HTR2B: variants seen among roughly 807,000 people sequenced by gnomAD.
The protein encoded by HTR2B is 5-HT 2B receptor.
HTR2B carries 31 observed loss-of-function variants against 39.8 expected under a neutral mutation model. The observed-to-expected ratio is 0.78, with a 90% CI of 0.58 to 1.05. The LOEUF is 1.05. Ranked by LOEUF, HTR2B falls within the 50% of genes least tolerant of loss-of-function variation. HTR2B has a pLI of 0.00. For synonymous variants in HTR2B, 210 were observed against 207.1 expected (o/e 1.01, Z -0.12); for missense variants, 562 against 578.0 (o/e 0.97, Z 0.28).
Position 231,124,122 on chromosome 2 carries a change from G to A in HTR2B, c.-358C>T. The A allele has an allele frequency of 3.9e-6, 1 of 256,588 alleles. No homozygotes were observed. The highest frequency in any genetic ancestry group is 4.9e-5 in the South Asian group (1 of 20,560). 15.9% of individuals were successfully genotyped at this position (256,588 alleles called of 1,614,324 possible). A position where few individuals can be genotyped will look rare whatever the true frequency, so the allele number is the denominator to read the frequency against. On this transcript the variant is annotated 5_prime_UTR_variant, in exon 2 of 4. Coordinates refer to ENST00000258400, the MANE Select transcript of HTR2B (RefSeq NM_000867.5). ...GTCGTGTTTGAACTTGCATGCCAGA[G>A]AGTTCCCCCTAGATACAAAATACAT...
At chr2:231,110,669 G>T (rs746109456) in intron 3 of HTR2B, among the ~76,000 whole-genome samples, 7 of 152,134 alleles carry the variant, frequency 4.6e-5, no homozygotes, top group Non-Finnish European at 8.8e-5. Context: ...TTTTCCTCAT[G>T]TACACCACCA....
At chr2:231,112,975 G>A (rs910815865) in intron 3 of HTR2B, among the ~76,000 whole-genome samples, 6 of 152,088 alleles carry the variant, frequency 3.9e-5, no homozygotes, top group Admixed American at 3.3e-4. Flanking sequence ...GACCAGCCTG[G>A]GCAACATGAC....
Position 231,109,056 on chromosome 2 carries a change from G to C in HTR2B, c.907C>G (p.Arg303Gly), listed in dbSNP as rs200112720. 6.2e-7 allele frequency: 1 copy of C among 1,614,058 alleles called. No individual in the cohort carries two copies. The highest frequency in any genetic ancestry group is 1.3e-5 in the African/African-American group (1 of 74,940). ...LPNSGDETLM[R>G]RTSTIGKKSV... The stretch of plus-strand genomic sequence containing the variant: ...TTTTTCCCAATTGTGGATGTTCTTC[G>C]CATAAGTGTTTCATCACCTGAGTTG... Residue 303 changes from arginine (R) to glycine (G), a missense_variant, in exon 4 of 4, where the codon CGA becomes GGA. Physicochemically the swap from Arg to Gly is moderately radical, Grantham distance 125. Transcript: ENST00000258400.
intron 2 of HTR2B, among the ~76,000 whole-genome samples, chr2:231,116,689 C>G (rs1574744675): frequency 6.6e-6 from 1 of 151,968 alleles, no homozygotes; most frequent in Non-Finnish European, 1.5e-5. Flanking sequence ...CCCTGTTAGC[C>G]TCACTTTAAA....
Position 231,115,586 on chromosome 2 carries a change from G to A in HTR2B, c.353-1657C>T, listed in dbSNP as rs1574743371. Reference sequence around the variant, plus strand: ...TACTGTAAATAAACTTTGCCTGCTTGTTGAATTGGGGGTAGGAAGGGATAG... The same window carrying A: ...TACTGTAAATAAACTTTGCCTGCTTATTGAATTGGGGGTAGGAAGGGATAG... On this transcript the variant is annotated intron_variant, in intron 2 of 3. Coordinates refer to ENST00000258400, the MANE Select transcript of HTR2B (RefSeq NM_000867.5). 3.3e-5 allele frequency among the ~76,000 whole-genome samples: 5 copies of A among 152,080 alleles called. No homozygotes were observed. In the East Asian group the frequency reaches 9.6e-4, roughly 29 times the overall value.
intron 2 of HTR2B, among the ~76,000 whole-genome samples, chr2:231,118,794 AG>A (rs1357193829): frequency 2.6e-5 from 4 of 152,206 alleles, no homozygotes; most frequent in African/African-American, 4.8e-5. Context: ...TTCCCTTTGG[AG>A]GATGTAAAAG....
In HTR2B at chr2:231,109,141, A is replaced by G; in HGVS notation, c.822T>C (p.Pro274=). Residue 274 remains proline (P), a synonymous_variant, in exon 4 of 4, where the codon CCT becomes CCC. Coordinates refer to ENST00000258400, the MANE Select transcript of HTR2B (RefSeq NM_000867.5). ...VSTVFQRDET[P]CSSPEKVAML... The stretch of plus-strand genomic sequence containing the variant: ...TTGCCACCTTTTCCGGTGACGAGCA[A>G]GGTGTTTCATCCCTTTGGAAAACTG... 6.2e-7 allele frequency: 1 copy of G among 1,614,110 alleles called. No homozygotes were observed. Among genetic ancestry groups the G allele is most frequent in the South Asian group, 1.1e-5 (1 of 91,090 alleles).
At chr2:231,121,330 C>T (rs1293433649) in intron 2 of HTR2B, among the ~76,000 whole-genome samples, 1 of 151,820 alleles carries the variant, frequency 6.6e-6, no homozygotes, top group Admixed American at 6.6e-5. Context: ...GAGTTTGAGG[C>T]CAGCCCAGGC....
chr2:231,110,672 C>T (rs1426207798), intron 3 of HTR2B, among the ~76,000 whole-genome samples: 1 of 152,222 alleles, frequency 6.6e-6, no homozygotes, highest in African/African-American at 2.4e-5. Context: ...TCCTCATGTA[C>T]ACCACCAGAA....
In HTR2B at chr2:231,113,799, G is replaced by A; in HGVS notation, c.483C>T (p.Ile161=). Residue 161 remains isoleucine, a synonymous_variant, in exon 3 of 4, where the codon ATC becomes ATT. Transcript: ENST00000258400. The part of the protein sequence containing the change: ...VDRYIAIKKP[I]QANQYNSRAT... ...CCCGTGAGTTATATTGATTGGCCTG[G>A]ATTGGCTTTTTGATGGCTATGTAAC... 2 of 1,614,120 alleles carry A rather than the reference G, an allele frequency of 1.2e-6. No homozygotes were observed. Among genetic ancestry groups the A allele is most frequent in the Non-Finnish European group, 8.5e-7 (1 of 1,180,004 alleles).
intron 2 of HTR2B, among the ~76,000 whole-genome samples, chr2:231,115,252 A>C (rs1695289831): frequency 2.0e-5 from 3 of 152,244 alleles, no homozygotes; most frequent in Admixed American, 2.0e-4. Flanking sequence ...GTTATTTTCA[A>C]GCATCAAGTA....
At position 231,115,667 on chromosome 2, in the gene HTR2B, T is replaced by C. The variant is rs191093409; in HGVS notation, c.353-1738A>G. 2.4e-3 allele frequency among the ~76,000 whole-genome samples: 358 copies of C among 152,286 alleles called. 2 individuals carry two copies. Among genetic ancestry groups the C allele is most frequent in the African/African-American group, 8.3e-3 (345 of 41,566 alleles). On this transcript the variant is annotated intron_variant, in intron 2 of 3. Coordinates refer to ENST00000258400, the MANE Select transcript of HTR2B (RefSeq NM_000867.5). ...AAGGAACCTTAGAGATTACCATTGA[T>C]CTTGCAGATGAGTAAATTCAGGTAT...
At position 231,120,143 on chromosome 2, in the gene HTR2B, G is replaced by T. The variant is rs758526265; in HGVS notation, c.352+3270C>A. On this transcript the variant is annotated intron_variant, in intron 2 of 3. Coordinates refer to ENST00000258400, the MANE Select transcript of HTR2B (RefSeq NM_000867.5). ...ATTTTTGTATTTTTAGTAGGGACAGGGTTTCGCCATCTTGGCCAGGCTGGT... is the reference window on the plus strand; with the variant it reads ...ATTTTTGTATTTTTAGTAGGGACAGTGTTTCGCCATCTTGGCCAGGCTGGT... 3.9e-5 allele frequency among the ~76,000 whole-genome samples: 6 copies of T among 152,026 alleles called. No individual in the cohort carries two copies. The South Asian group carries it at 8.3e-4, about 21-fold the overall frequency.
At chr2:231,122,696 A>G (rs1164644659) in intron 2 of HTR2B, among the ~76,000 whole-genome samples, 2 of 152,148 alleles carry the variant, frequency 1.3e-5, no homozygotes, top group Non-Finnish European at 2.9e-5. Context: ...CTAAGATTTC[A>G]GTGTCAAACT....
intron 2 of HTR2B, 44 bp from the exon 3 acceptor site, chr2:231,113,973 GGCAAC>G: frequency 2.0e-6 from 3 of 1,533,688 alleles, no homozygotes; most frequent in Non-Finnish European, 2.7e-6. Context: ...TCTATAAAAT[GGCAAC>G]TTTCAGTCTA....
intron 2 of HTR2B, among the ~76,000 whole-genome samples, chr2:231,114,947 G>A (rs1003975852): frequency 3.3e-5 from 5 of 152,128 alleles, no homozygotes; most frequent in Non-Finnish European, 7.4e-5. Context: ...CAGATGTCAT[G>A]CATGTGAGAT....
chr2:231,108,868 A>G lies in HTR2B; in HGVS notation c.1095T>C (p.Phe365=). ...CTGAGGAAACATAGCCTATCCACACAAATATCTCCAGGAGCATTTGGAGAG... is the reference window on the plus strand; with the variant it reads ...CTGAGGAAACATAGCCTATCCACACGAATATCTCCAGGAGCATTTGGAGAG... ...QTTLQMLLEI[F]VWIGYVSSGV... is the part of the protein sequence containing the mutation. The change falls in exon 4 of 4, where the codon TTT becomes TTC. Residue 365 remains phenylalanine (F), a synonymous_variant. Coordinates refer to ENST00000258400, the MANE Select transcript of HTR2B (RefSeq NM_000867.5). 6.2e-7 allele frequency: 1 copy of G among 1,614,206 alleles called. No homozygotes were observed. The highest frequency in any genetic ancestry group is 8.5e-7 in the Non-Finnish European group (1 of 1,180,024).
intron 2 of HTR2B, among the ~76,000 whole-genome samples, chr2:231,118,988 C>T (rs1181776483): frequency 6.6e-6 from 1 of 151,786 alleles, no homozygotes; most frequent in Non-Finnish European, 1.5e-5. Context: ...AAAAGAAAGA[C>T]ATAGTTCAGT....
At chr2:231,119,537 G>A (rs1020844053) in intron 2 of HTR2B, among the ~76,000 whole-genome samples, 2 of 152,158 alleles carry the variant, frequency 1.3e-5, no homozygotes, top group East Asian at 1.9e-4. Flanking sequence ...GCTATACCAC[G>A]GATACTGTTT....
Sources: allele counts gnomAD v4.1 joint callset (sites outside exome capture counted in the v4.1 genomes callset), GRCh38; gene constraint gnomAD v4.1.1; transcripts MANE v1.5; gene names NCBI Gene and HGNC (gene_info 2026-07-23, HGNC 2026-07-21).